The following NKAIN3 variants were observed in gnomAD, a reference collection of about 807,000 sequenced individuals.
The protein encoded by NKAIN3 is sodium/potassium transporting ATPase interacting 3.
NKAIN3 carries 25 observed loss-of-function variants against 30.2 expected under a neutral mutation model. The observed-to-expected ratio is 0.83, with a 90% confidence interval of 0.60 to 1.16. The LOEUF (loss-of-function observed/expected upper bound fraction) is 1.16. Among genes scored for constraint, NKAIN3 ranks in the 50% most tolerant of loss-of-function variants. NKAIN3 has a pLI of 0.00. For missense variants in NKAIN3, 225 were observed against 254.1 expected, an observed-to-expected ratio of 0.89 and a Z score of 0.78; for synonymous variants, 91 against 89.6, an observed-to-expected ratio of 1.02 and a Z score of -0.09.
intron 4 of NKAIN3, among the ~76,000 whole-genome samples, chr8:62,824,796 A>G (rs7000053): frequency 0.03 from 4,505 of 152,156 alleles, 229 homozygotes; most frequent in African/African-American, 0.1. Context: ...AACCCACTTT[A>G]TGATCTGAGC....
rs1816832746 is a variant in NKAIN3, at chr8:62,369,247, A to G, written c.54+120120A>G. 2.0e-5 allele frequency among the ~76,000 whole-genome samples: 3 copies of G among 152,130 alleles called. No individual in the cohort carries two copies. The South Asian group carries it at 6.2e-4, about 32-fold the overall frequency. On this transcript the variant is annotated intron_variant, in intron 1 of 6. Transcript: ENST00000623646. ...GTTTTTGTGGCAAGCCCTTTCTGGTATAAAGACAAATGTCCTTCTGGTTAA... is the reference window on the plus strand; with the variant it reads ...GTTTTTGTGGCAAGCCCTTTCTGGTGTAAAGACAAATGTCCTTCTGGTTAA...
chr8:62,636,990 T>C (rs1222961734), intron 3 of NKAIN3, among the ~76,000 whole-genome samples: 1 of 152,192 alleles, frequency 6.6e-6, no homozygotes, highest in East Asian at 1.9e-4. Flanking sequence ...GTGAAAATTT[T>C]TTTTCCATTT....
chr8:62,989,347 G>T (rs1824269764), downstream of NKAIN3, among the ~76,000 whole-genome samples: 1 of 152,130 alleles, frequency 6.6e-6, no homozygotes, highest in African/African-American at 2.4e-5. Flanking sequence ...AAAAATACCA[G>T]GTTTAATGTA....
chr8:62,859,569 AT>A (rs1396006395), intron 4 of NKAIN3, among the ~76,000 whole-genome samples: 1 of 149,784 alleles, frequency 6.7e-6, no homozygotes. Context: ...AATAAATAAC[AT>A]TTTAACCAAA....
At chr8:62,672,540 T>C (rs999894796) in intron 3 of NKAIN3, among the ~76,000 whole-genome samples, 1 of 152,184 alleles carries the variant, frequency 6.6e-6, no homozygotes, top group African/African-American at 2.4e-5. Context: ...AAAAGAGGCA[T>C]GGTTAGTTTT....
intron 3 of NKAIN3, among the ~76,000 whole-genome samples, chr8:62,590,292 C>T (rs1444760404): frequency 6.6e-6 from 1 of 151,834 alleles, no homozygotes; most frequent in African/African-American, 2.4e-5. Context: ...GAAGTAAATG[C>T]ATCAGCGTGG....
intron 3 of NKAIN3, among the ~76,000 whole-genome samples, chr8:62,598,957 G>A (rs1810914062): frequency 6.6e-6 from 1 of 151,986 alleles, no homozygotes; most frequent in Non-Finnish European, 1.5e-5. Context: ...TTTGCCACAG[G>A]AAGACAGGGT....
At chr8:62,947,108 TAA>T (rs1585609726) in intron 5 of NKAIN3, among the ~76,000 whole-genome samples, 1 of 152,154 alleles carries the variant, frequency 6.6e-6, no homozygotes, top group Admixed American at 6.5e-5. Flanking sequence ...CCCCATGAAA[TAA>T]AGTCATTTAA....
chr8:62,976,705 G>A lies in NKAIN3; in HGVS notation c.*11298G>A, dbSNP rs958303352. On this transcript the variant is annotated 3_prime_UTR_variant, in exon 7 of 7. Coordinates refer to ENST00000623646, the MANE Select transcript of NKAIN3 (RefSeq NM_001304533.3). ...ACATTTAAGGTTAATATTGTTATGT[G>A]TGAATTTGATTCTGTCATTATGATG... Among the ~76,000 whole-genome samples the A allele has an allele frequency of 7.2e-5, 11 of 152,174 alleles. No individual in the cohort carries two copies. Among genetic ancestry groups the A allele is most frequent in the African/African-American group, 2.4e-4 (10 of 41,442 alleles).
chr8:62,735,112 T>C lies in NKAIN3; in HGVS notation c.274-11820T>C, dbSNP rs146073858. ...ATCTTTTTGTGATGAATTTCTCAGGTGTTTTTTGAGCTTCTTATATTTAGA... is the reference window on the plus strand; with the variant it reads ...ATCTTTTTGTGATGAATTTCTCAGGCGTTTTTTGAGCTTCTTATATTTAGA... On this transcript the variant is annotated intron_variant, in intron 3 of 6. Transcript: ENST00000623646. 5.3e-3 allele frequency among the ~76,000 whole-genome samples: 809 copies of C among 152,324 alleles called. 4 individuals are homozygous for C. The highest frequency in any genetic ancestry group is 0.018 in the African/African-American group (754 of 41,582).
chr8:62,896,837 G>A (rs1184802822), intron 4 of NKAIN3, among the ~76,000 whole-genome samples: 1 of 152,128 alleles, frequency 6.6e-6, no homozygotes, highest in Admixed American at 6.6e-5. Flanking sequence ...ACAAAATGTA[G>A]GCTATTTACC....
chr8:62,833,697 AC>A (rs1275325525), intron 4 of NKAIN3, among the ~76,000 whole-genome samples: 1 of 151,754 alleles, frequency 6.6e-6, no homozygotes, highest in Non-Finnish European at 1.5e-5. Flanking sequence ...AAACCTACCA[AC>A]AAAAAAAAAA....
intron 1 of NKAIN3, among the ~76,000 whole-genome samples, chr8:62,428,352 C>T (rs77508370): frequency 1.3e-4 from 20 of 151,922 alleles, no homozygotes; most frequent in African/African-American, 3.9e-4. Flanking sequence ...CTTTTGAATA[C>T]GTACCCAGAA....
chr8:62,472,534 T>C (rs1229758974), intron 1 of NKAIN3, among the ~76,000 whole-genome samples: 2 of 152,170 alleles, frequency 1.3e-5, no homozygotes, highest in Non-Finnish European at 2.9e-5. Flanking sequence ...GTAGGGTACA[T>C]GCTTTCAAGG....
In NKAIN3 at chr8:62,969,491, T is replaced by C. The variant is rs1823785830; in HGVS notation, c.*4084T>C. Among the ~76,000 whole-genome samples, 1 of 152,216 alleles carries C rather than the reference T, an allele frequency of 6.6e-6. No homozygotes were observed. The highest frequency in any genetic ancestry group is 2.4e-5 in the African/African-American group (1 of 41,456). The stretch of plus-strand genomic sequence containing the variant: ...ATACCTAATTTTAAAACGAATTGTG[T>C]CCCCAAATATGGTCTATTCTGGCTA... On this transcript the variant is annotated 3_prime_UTR_variant, in exon 7 of 7. Transcript: ENST00000623646.
At chr8:62,719,829 TCA>T (rs1259645070) in intron 3 of NKAIN3, among the ~76,000 whole-genome samples, 2 of 148,856 alleles carry the variant, frequency 1.3e-5, no homozygotes. Context: ...CGATCTCGGT[TCA>T]CTGCAAGCTC....
chr8:62,600,075 A>T (rs986829421), intron 3 of NKAIN3, among the ~76,000 whole-genome samples: 1 of 152,050 alleles, frequency 6.6e-6, no homozygotes, highest in African/African-American at 2.4e-5. Context: ...TCTTAATGGC[A>T]TCTTTTAATT....
At chr8:62,856,621 G>A in intron 4 of NKAIN3, 1 of 776,628 alleles carries the variant, frequency 1.3e-6, no homozygotes, top group East Asian at 2.5e-5. Flanking sequence ...ATCATGAACT[G>A]GACATCACTA....
At chr8:62,871,170 G>A (rs1820630131) in intron 4 of NKAIN3, among the ~76,000 whole-genome samples, 1 of 152,074 alleles carries the variant, frequency 6.6e-6, no homozygotes, top group African/African-American at 2.4e-5. Flanking sequence ...GGAGGCCAAA[G>A]TGGGTGGATC....
Sources: gnomAD v4.1 joint callset for allele counts (sites outside exome capture counted in the v4.1 genomes callset) on GRCh38, gnomAD v4.1.1 for gene constraint, MANE v1.5 for transcripts, NCBI Gene and HGNC (gene_info 2026-07-23, HGNC 2026-07-21) for gene names.